The following CHN1 variants were observed in gnomAD, a reference collection of about 807,000 sequenced individuals.
CHN1 encodes chimerin 1.
In CHN1, 37 loss-of-function variants were observed where a neutral mutation model predicts 59.5. The observed-to-expected ratio is 0.62, with a 90% CI of 0.48 to 0.82. The LOEUF (loss-of-function observed/expected upper bound fraction) is 0.82, where lower values mean the gene tolerates loss of function less well. CHN1 is among the 40% of genes least tolerant of loss of function. CHN1 has a pLI of 0.00. For missense variants in CHN1, 469 were observed against 571.0 expected (o/e 0.82, Z 1.82); for synonymous variants, 206 against 200.4 (o/e 1.03, Z -0.24).
chr2:174,897,423 TTGTGTG>T (rs373042316), intron 5 of CHN1, among the ~76,000 whole-genome samples: 1 of 148,086 alleles, frequency 6.8e-6, no homozygotes, highest in Non-Finnish European at 1.5e-5. Context: ...CTCTGTGTGC[TTGTGTG>T]TGTGTGTGTG....
At chr2:174,816,892 A>G (rs917011714) in intron 8 of CHN1, among the ~76,000 whole-genome samples, 2 of 152,152 alleles carry the variant, frequency 1.3e-5, no homozygotes, top group Admixed American at 6.5e-5. Flanking sequence ...TAATACACAC[A>G]GGTCACAGAT....
intron 4 of CHN1, among the ~76,000 whole-genome samples, chr2:174,917,805 T>A (rs1429931399): frequency 6.6e-6 from 1 of 152,104 alleles, no homozygotes; most frequent in Admixed American, 6.5e-5. Flanking sequence ...TCTGATATGA[T>A]CTCCAGTCAG....
intron 3 of CHN1, among the ~76,000 whole-genome samples, chr2:174,933,313 T>C (rs374978419): frequency 7.9e-5 from 12 of 152,014 alleles, no homozygotes; most frequent in African/African-American, 2.7e-4. Flanking sequence ...AGGAGAGGAT[T>C]TGGGGGCACC....
intron 6 of CHN1, among the ~76,000 whole-genome samples, chr2:174,859,303 T>G (rs1000716200): frequency 2.6e-5 from 4 of 152,166 alleles, no homozygotes; most frequent in Admixed American, 1.3e-4. Context: ...CATATTCACC[T>G]TTAGGTTTAG....
chr2:174,989,541 T>G (rs545921450), intron 1 of CHN1, among the ~76,000 whole-genome samples: 246 of 152,142 alleles, frequency 1.6e-3, no homozygotes, highest in African/African-American at 5.5e-3. Context: ...GAATTACACT[T>G]TGAAGGTTCC....
Position 174,898,438 on chromosome 2 carries a change from GAA to G in CHN1, c.260+16618_260+16619del, listed in dbSNP as rs34869691. Among the ~76,000 whole-genome samples, 433 of 130,758 alleles carry G rather than the reference GAA, an allele frequency of 3.3e-3. 3 individuals carry two copies. Among genetic ancestry groups the G allele is most frequent in the African/African-American group, 0.011 (407 of 35,750 alleles). 85.8% of individuals were successfully genotyped at this position (130,758 alleles called of 152,430 possible). A position where few individuals can be genotyped will look rare whatever the true frequency, so the allele number is the denominator to read the frequency against. On this transcript the variant is annotated intron_variant, in intron 5 of 12. Coordinates refer to ENST00000409900, the MANE Select transcript of CHN1 (RefSeq NM_001822.7). ...AACATGGTGAAATCCCGTCTCTACT[GAA>G]AAAAAAAAAAAAAAATAGCTGGGCT...
chr2:174,853,640 T>C (rs541817492), intron 6 of CHN1, among the ~76,000 whole-genome samples: 40 of 152,276 alleles, frequency 2.6e-4, no homozygotes, highest in African/African-American at 8.9e-4. Context: ...AAAAGACACA[T>C]GCACTTCCAT....
intron 6 of CHN1, among the ~76,000 whole-genome samples, chr2:174,874,108 G>A (rs918035731): frequency 2.6e-5 from 4 of 152,150 alleles, no homozygotes; most frequent in African/African-American, 9.7e-5. Context: ...GAGACATTTC[G>A]AAAGTATGGT....
chr2:174,878,268 T>C (rs1687635824), intron 5 of CHN1, 140 bp from the exon 6 acceptor site: 6 of 721,730 alleles, frequency 8.3e-6, no homozygotes. Flanking sequence ...GGCTAATCTC[T>C]CTGAATCGTC....
At chr2:174,852,083 C>T (rs531963051) in intron 6 of CHN1, among the ~76,000 whole-genome samples, 2 of 151,838 alleles carry the variant, frequency 1.3e-5, no homozygotes, top group East Asian at 3.9e-4. Context: ...TTGAGACCAG[C>T]CTGGCCAACA....
chr2:174,963,315 A>G (rs1442831358), intron 1 of CHN1, among the ~76,000 whole-genome samples: 2 of 152,250 alleles, frequency 1.3e-5, no homozygotes, highest in African/African-American at 2.4e-5. Flanking sequence ...GAATAGGTCT[A>G]TAGTAAGTAT....
chr2:174,916,172 G>A (rs946794463), intron 4 of CHN1, among the ~76,000 whole-genome samples: 10 of 152,222 alleles, frequency 6.6e-5, no homozygotes, highest in East Asian at 3.9e-4. Flanking sequence ...ACTAAAAGTC[G>A]ACAACACATT....
intron 6 of CHN1, among the ~76,000 whole-genome samples, chr2:174,877,066 A>G (rs763430210): frequency 3.2e-4 from 49 of 152,138 alleles, no homozygotes; most frequent in Non-Finnish European, 6.8e-4. Context: ...GCCCCCAACT[A>G]AATGTCACAC....
intron 8 of CHN1, among the ~76,000 whole-genome samples, chr2:174,814,897 G>A (rs931536038): frequency 3.3e-5 from 5 of 152,168 alleles, no homozygotes; most frequent in South Asian, 4.2e-4. Flanking sequence ...AAAAGGACCC[G>A]AAGTAAGTAA....
At chr2:174,847,363 AG>A in intron 6 of CHN1, 1 of 1,269,146 alleles carries the variant, frequency 7.9e-7, no homozygotes. Context: ...TCTATATTCT[AG>A]CTTCTAAAAA....
In CHN1 at chr2:174,846,949, T is replaced by C; in HGVS notation, c.558A>G (p.Ser186=). The C allele has an allele frequency of 6.4e-7, 1 of 1,553,898 alleles. No homozygotes were observed. Among genetic ancestry groups the C allele is most frequent in the Non-Finnish European group, 8.7e-7 (1 of 1,147,822 alleles). The change falls in exon 7 of 13, where the codon TCA becomes TCG. Residue 186 remains serine, a synonymous_variant. Coordinates refer to ENST00000409900, the MANE Select transcript of CHN1 (RefSeq NM_001822.7). The part of the protein sequence containing the change: ...QDGVSEKRLT[S]LVRRATLKEN... ...CTTTCAGAGTTGCTCTTCTAACAAGTGATGTCAACTGCGAATAAGCAAAGA... is the reference window on the plus strand; with the variant it reads ...CTTTCAGAGTTGCTCTTCTAACAAGCGATGTCAACTGCGAATAAGCAAAGA...
At chr2:174,992,157 G>A (rs115667009) in intron 1 of CHN1, among the ~76,000 whole-genome samples, 1,545 of 152,280 alleles carry the variant, frequency 0.01, 31 homozygotes, top group African/African-American at 0.035. Context: ...GCAAAGACCA[G>A]TCTGCAAGTT....
intron 7 of CHN1, among the ~76,000 whole-genome samples, chr2:174,833,201 G>A (rs1685939917): frequency 6.6e-6 from 1 of 152,026 alleles, no homozygotes; most frequent in African/African-American, 2.4e-5. Context: ...TGTATATTCT[G>A]TCTATTTCAC....
intron 1 of CHN1, among the ~76,000 whole-genome samples, chr2:174,957,454 G>GGC (rs1045456989): frequency 2.9e-5 from 4 of 136,326 alleles, no homozygotes; most frequent in African/African-American, 8.1e-5. Context: ...GTTGGGGGGG[G>GGC]GGGCAGTTAA....
Sources: gnomAD v4.1 joint callset for allele counts (sites outside exome capture counted in the v4.1 genomes callset) on GRCh38, gnomAD v4.1.1 for gene constraint, MANE v1.5 for transcripts, NCBI Gene and HGNC (gene_info 2026-07-23, HGNC 2026-07-21) for gene names.